The following STK39 variants were observed in gnomAD, a reference collection of about 807,000 sequenced individuals.
STK39 encodes the protein STE20/SPS1-related proline-alanine-rich protein kinase.
Under a neutral mutation model 77.8 loss-of-function variants are expected in STK39, and 20 were observed. The ratio of observed to expected loss-of-function variants is 0.26; its 90% CI spans 0.18 to 0.37. The LOEUF (loss-of-function observed/expected upper bound fraction) is 0.37. Among genes scored for constraint, STK39 ranks in the 10% least tolerant of loss-of-function variants. The pLI is 1.00. For missense variants in STK39, 479 were observed against 656.5 expected (o/e 0.73, Z 2.95); for synonymous variants, 246 against 234.1 (o/e 1.05, Z -0.47).
chr2:167,996,581 T>C (rs6721630), intron 16 of STK39, among the ~76,000 whole-genome samples: 89,505 of 151,964 alleles, frequency 0.59, 26,944 homozygotes, highest in African/African-American at 0.68. Context: ...CATCACCTAA[T>C]TCGGTGGGTC....
At chr2:168,194,314 G>T (rs1689416906) in intron 1 of STK39, among the ~76,000 whole-genome samples, 2 of 152,164 alleles carry the variant, frequency 1.3e-5, no homozygotes, top group Non-Finnish European at 2.9e-5. Context: ...CAGCTACTCG[G>T]AAGGCAGAGG....
At position 168,096,857 on chromosome 2, in the gene STK39, T is replaced by A. The variant is rs183184650; in HGVS notation, c.1090-21626A>T. Among the ~76,000 whole-genome samples the A allele has an allele frequency of 2.6e-5, 4 of 152,270 alleles. No individual in the cohort carries two copies. The East Asian group carries it at 7.7e-4, about 29-fold the overall frequency. On this transcript the variant is annotated intron_variant, in intron 10 of 17. Transcript: ENST00000355999. Reference sequence around the variant, plus strand: ...CCTTATGAAACTTGTTCCATATTTATATTCTGAATTATACTGTTATAAATA... The same window carrying A: ...CCTTATGAAACTTGTTCCATATTTAAATTCTGAATTATACTGTTATAAATA...
intron 1 of STK39, among the ~76,000 whole-genome samples, chr2:168,237,778 T>C (rs561096048): frequency 1.3e-5 from 2 of 152,250 alleles, no homozygotes; most frequent in South Asian, 4.1e-4. Context: ...TTTGGTCTCT[T>C]CTAAAATTAA....
intron 16 of STK39, among the ~76,000 whole-genome samples, chr2:168,004,219 G>C (rs1286554212): frequency 6.6e-6 from 1 of 152,008 alleles, no homozygotes; most frequent in Admixed American, 6.6e-5. Context: ...TACTCATTTT[G>C]GTAAAAATTT....
At chr2:168,162,484 A>G (rs1688599792) in intron 4 of STK39, among the ~76,000 whole-genome samples, 1 of 152,084 alleles carries the variant, frequency 6.6e-6, no homozygotes, top group African/African-American at 2.4e-5. Flanking sequence ...CACTACTGTC[A>G]TTCTACCAAG....
chr2:168,014,394 G>A (rs1684354433), intron 15 of STK39, among the ~76,000 whole-genome samples: 1 of 152,014 alleles, frequency 6.6e-6, no homozygotes, highest in Non-Finnish European at 1.5e-5. Flanking sequence ...TGGGTGGAAG[G>A]ATCACTTGAG....
chr2:167,963,014 G>A (rs1340588218), intron 17 of STK39, among the ~76,000 whole-genome samples: 1 of 152,128 alleles, frequency 6.6e-6, no homozygotes, highest in Non-Finnish European at 1.5e-5. Flanking sequence ...CCGGGTGTGC[G>A]GTTTACAATA....
chr2:168,182,445 A>C (rs973188008), intron 1 of STK39, among the ~76,000 whole-genome samples: 7 of 152,048 alleles, frequency 4.6e-5, no homozygotes, highest in African/African-American at 1.7e-4. Context: ...CCCAAACCAA[A>C]CCACTCTGGT....
intron 10 of STK39, among the ~76,000 whole-genome samples, chr2:168,089,739 G>A (rs528615341): frequency 3.9e-5 from 6 of 152,176 alleles, no homozygotes; most frequent in East Asian, 3.9e-4. Flanking sequence ...TCAGCCTCCC[G>A]AGTAGCTGGG....
chr2:168,217,419 C>T (rs904146911), intron 1 of STK39, among the ~76,000 whole-genome samples: 16 of 152,174 alleles, frequency 1.1e-4, no homozygotes, highest in African/African-American at 3.9e-4. Flanking sequence ...CCTTCCTATA[C>T]CACAGAAATA....
intron 14 of STK39, 105 bp downstream of exon 14, chr2:168,063,395 G>T: frequency 9.8e-7 from 1 of 1,023,174 alleles, no homozygotes; most frequent in Non-Finnish European, 1.4e-6. Flanking sequence ...AATCAAATAA[G>T]CTAACGATTC....
Position 167,955,469 on chromosome 2 carries a change from G to A in STK39, c.*27C>T. On this transcript the variant is annotated 3_prime_UTR_variant, in exon 18 of 18. Coordinates refer to ENST00000355999, the MANE Select transcript of STK39 (RefSeq NM_013233.3). ...GTAGGGGTGGCGGTGGGGCATGACA[G>A]ATCAGGGTGACATCAAGGGACATAC... is the stretch of plus-strand genomic sequence containing the variant. 6.2e-7 allele frequency: 1 copy of A among 1,607,226 alleles called. No homozygotes were observed. Among genetic ancestry groups the A allele is most frequent in the Non-Finnish European group, 8.5e-7 (1 of 1,178,428 alleles).
At chr2:167,996,725 A>T (rs1176819208) in intron 16 of STK39, among the ~76,000 whole-genome samples, 11 of 152,222 alleles carry the variant, frequency 7.2e-5, no homozygotes, top group African/African-American at 2.7e-4. Flanking sequence ...TACTTGAGGT[A>T]GTGTAGACTC....
intron 14 of STK39, among the ~76,000 whole-genome samples, chr2:168,061,911 C>CT (rs1318487959): frequency 2.0e-5 from 3 of 152,152 alleles, no homozygotes; most frequent in African/African-American, 7.2e-5. Context: ...TGCAGACAGT[C>CT]TGATATTTGC....
rs958708760 is a variant in STK39 at position 168,008,795 on chromosome 2, T to C, written c.1498+3839A>G. Among the ~76,000 whole-genome samples the C allele has an allele frequency of 2.0e-5, 3 of 151,802 alleles. No individual in the cohort carries two copies. The East Asian group carries it at 5.8e-4, about 29-fold the overall frequency. The stretch of plus-strand genomic sequence containing the variant: ...GTAAGATGGGAGAACTAGGAGAGGG[T>C]GGAGACTTAAAACCAAGTGAAAAAG... On this transcript the variant is annotated intron_variant, in intron 16 of 17. Transcript: ENST00000355999.
chr2:168,185,067 C>T (rs1348504304), intron 1 of STK39, among the ~76,000 whole-genome samples: 1 of 152,170 alleles, frequency 6.6e-6, no homozygotes, highest in East Asian at 1.9e-4. Context: ...GTGTTAGCAA[C>T]ATGAAATAAA....
intron 10 of STK39, among the ~76,000 whole-genome samples, chr2:168,088,115 CCATT>C (rs1686418939): frequency 6.6e-6 from 1 of 152,110 alleles, no homozygotes; most frequent in Admixed American, 6.5e-5. Flanking sequence ...AATGGAAACT[CCATT>C]CAGACTCACA....
At chr2:168,035,296 A>G (rs1020611944) in intron 14 of STK39, among the ~76,000 whole-genome samples, 2 of 152,248 alleles carry the variant, frequency 1.3e-5, no homozygotes, top group Admixed American at 1.3e-4. Flanking sequence ...GCTTGCTTAC[A>G]AGTTCCTTTC....
intron 1 of STK39, among the ~76,000 whole-genome samples, chr2:168,228,809 A>C (rs780383218): frequency 2.0e-5 from 3 of 152,028 alleles, no homozygotes; most frequent in Non-Finnish European, 4.4e-5. Flanking sequence ...TAATTAAATA[A>C]GCTTGGAATT....
Sources: gnomAD v4.1 joint callset for allele counts (sites outside exome capture counted in the v4.1 genomes callset) on GRCh38, gnomAD v4.1.1 for gene constraint, MANE v1.5 for transcripts, NCBI Gene and HGNC (gene_info 2026-07-23, HGNC 2026-07-21) for gene names.